The following TTC23L variants were observed in gnomAD, a reference collection of about 807,000 sequenced individuals.
The protein encoded by TTC23L is tetratricopeptide repeat domain 23 like.
In TTC23L, 42 loss-of-function variants were observed where a neutral mutation model predicts 48.1. That is an observed-to-expected ratio of 0.87 (90% CI 0.68 to 1.13). The LOEUF is 1.13. Among genes scored for constraint, TTC23L ranks in the 50% most tolerant of loss-of-function variants. TTC23L has a pLI of 0.00. For synonymous variants in TTC23L, 159 were observed against 157.2 expected, an observed-to-expected ratio of 1.01 and a Z score of -0.09; for missense variants, 391 against 421.0, an observed-to-expected ratio of 0.93 and a Z score of 0.62.
At chr5:34,843,152 G>T (rs1361921896) in intron 2 of TTC23L, among the ~76,000 whole-genome samples, 1 of 152,156 alleles carries the variant, frequency 6.6e-6, no homozygotes, top group African/African-American at 2.4e-5. Context: ...AAGGTTAAGG[G>T]TTATATGACT....
At chr5:34,911,959 C>T in the TTC23L span, 1 of 951,672 alleles carries the variant, frequency 1.1e-6, no homozygotes, top group Non-Finnish European at 1.6e-6. Context: ...GGGATGACAT[C>T]TTCCCTGATG....
chr5:34,925,105 TTAC>T, the TTC23L span: 1 of 1,443,786 alleles, frequency 6.9e-7, no homozygotes, highest in South Asian at 1.5e-5. Context: ...AACTTGGAAA[TTAC>T]TCCCTTTTTT....
the TTC23L span, among the ~76,000 whole-genome samples, chr5:34,910,602 A>G: frequency 6.6e-6 from 1 of 151,676 alleles, no homozygotes; most frequent in Admixed American, 6.6e-5. Flanking sequence ...TAATTTTTCT[A>G]TTTTTAGTAG....
intron 8 of TTC23L, among the ~76,000 whole-genome samples, chr5:34,873,830 C>T (rs558547661): frequency 6.6e-6 from 1 of 152,202 alleles, no homozygotes; most frequent in South Asian, 2.1e-4. Flanking sequence ...GCATTTTTGT[C>T]TACATACAGA....
intron 9 of TTC23L, among the ~76,000 whole-genome samples, chr5:34,884,516 G>T (rs1019034865): frequency 6.6e-6 from 1 of 150,968 alleles, no homozygotes; most frequent in African/African-American, 2.4e-5. Context: ...AAACCCTAAT[G>T]ATCACATACA....
chr5:34,883,123 A>T (rs1490311082), intron 9 of TTC23L: 2 of 152,524 alleles, frequency 1.3e-5, no homozygotes, highest in South Asian at 4.1e-4. Context: ...TTTAGAAAAC[A>T]TGAAGATGTT....
chr5:34,898,112 T>A (rs1299739559), intron 10 of TTC23L, among the ~76,000 whole-genome samples: 1 of 152,208 alleles, frequency 6.6e-6, no homozygotes, highest in South Asian at 2.1e-4. Flanking sequence ...TAATGCATTA[T>A]ATGTAAAGTG....
chr5:34,882,038 G>A (rs1273274333), intron 9 of TTC23L, among the ~76,000 whole-genome samples: 2 of 152,292 alleles, frequency 1.3e-5, no homozygotes, highest in Admixed American at 1.3e-4. Flanking sequence ...AGAGGCGTGA[G>A]CCACAGCACC....
chr5:34,846,873 G>A (rs1759244720), intron 3 of TTC23L, among the ~76,000 whole-genome samples: 1 of 151,882 alleles, frequency 6.6e-6, no homozygotes, highest in South Asian at 2.1e-4. Context: ...AAACCAAAGG[G>A]CCAGAAACAG....
chr5:34,876,915 C>CGTT (rs1761877796), intron 8 of TTC23L, among the ~76,000 whole-genome samples: 1 of 151,866 alleles, frequency 6.6e-6, no homozygotes, highest in Non-Finnish European at 1.5e-5. Flanking sequence ...TGCAGCAAAC[C>CGTT]ACCAAGGCAT....
the TTC23L span, chr5:34,914,478 G>C: frequency 1.8e-6 from 1 of 567,602 alleles, no homozygotes; most frequent in Non-Finnish European, 3.1e-6. Context: ...TGTAAAACAA[G>C]ATGGGAAAAG....
At chr5:34,840,371 T>C (rs1285822291) in intron 1 of TTC23L, among the ~76,000 whole-genome samples, 1 of 151,798 alleles carries the variant, frequency 6.6e-6, no homozygotes, top group African/African-American at 2.4e-5. Flanking sequence ...TAGGTGACCA[T>C]AGTTTTGATG....
At chr5:34,925,172 A>G in the TTC23L span, 2 of 1,491,406 alleles carry the variant, frequency 1.3e-6, no homozygotes, top group Non-Finnish European at 8.9e-7. Flanking sequence ...TTTGCCTTAT[A>G]TAAAATGTTT....
intron 8 of TTC23L, among the ~76,000 whole-genome samples, chr5:34,872,884 G>A (rs368827553): frequency 7.9e-5 from 12 of 152,218 alleles, no homozygotes; most frequent in African/African-American, 2.4e-4. Flanking sequence ...CCAACATGGT[G>A]AAACCGCGTT....
chr5:34,896,955 C>T (rs888441372), intron 10 of TTC23L, 80 bp downstream of exon 10: 1 of 574,860 alleles, frequency 1.7e-6, no homozygotes, highest in South Asian at 2.4e-5. Flanking sequence ...GGGATGTGTG[C>T]CAGTTCTCTG....
At chr5:34,916,949 T>G in the TTC23L span, among the ~76,000 whole-genome samples, 1 of 152,250 alleles carries the variant, frequency 6.6e-6, no homozygotes, top group Non-Finnish European at 1.5e-5. Flanking sequence ...GTTCTCACTC[T>G]TCCCTTGAGC....
At chr5:34,922,848 A>G in the TTC23L span, 1 of 1,392,610 alleles carries the variant, frequency 7.2e-7, no homozygotes, top group Non-Finnish European at 1.0e-6. Context: ...TGTGTTATTC[A>G]ATTTAGTTTC....
chr5:34,914,470 T>C, the TTC23L span: 4 of 555,700 alleles, frequency 7.2e-6, no homozygotes, highest in Non-Finnish European at 1.3e-5. Flanking sequence ...ATTATCTCTG[T>C]AAAACAAGAT....
intron 3 of TTC23L, among the ~76,000 whole-genome samples, chr5:34,847,486 T>C (rs1181146229): frequency 6.6e-6 from 1 of 152,026 alleles, no homozygotes; most frequent in East Asian, 1.9e-4. Flanking sequence ...CGCTGTTTTT[T>C]TTTTTTTTTT....
Sources: gnomAD v4.1 joint callset for allele counts (sites outside exome capture counted in the v4.1 genomes callset) on GRCh38, gnomAD v4.1.1 for gene constraint, MANE v1.5 for transcripts, NCBI Gene and HGNC (gene_info 2026-07-23, HGNC 2026-07-21) for gene names.